The following HNRNPL variants were observed in gnomAD, a reference collection of about 807,000 sequenced individuals.
HNRNPL encodes the protein heterogeneous nuclear ribonucleoprotein L.
In HNRNPL, 12 loss-of-function variants were observed where a neutral mutation model predicts 64.0. The ratio of observed to expected loss-of-function variants is 0.19; its 90% CI spans 0.12 to 0.30. The LOEUF is 0.30. HNRNPL is among the 10% of genes least tolerant of loss of function. HNRNPL has a pLI of 1.00. For missense variants in HNRNPL, 484 were observed against 797.4 expected, an observed-to-expected ratio of 0.61 and a Z score of 4.73; for synonymous variants, 385 against 313.0, an observed-to-expected ratio of 1.23 and a Z score of -2.43.
chr19:38,851,917 G>A (rs1972512882), upstream of HNRNPL, among the ~76,000 whole-genome samples: 1 of 152,248 alleles, frequency 6.6e-6, no homozygotes, highest in Middle Eastern at 3.4e-3. Context: ...ACAGAGACGG[G>A]GGCGGGGCCG....
chr19:38,839,075 C>A (rs1972024220), intron 8 of HNRNPL, 60 bp from the exon 9 acceptor site: 1 of 1,600,758 alleles, frequency 6.2e-7, no homozygotes, highest in East Asian at 2.2e-5. Flanking sequence ...CCTCTCCTGC[C>A]CCTCCCAAGT....
intron 10 of HNRNPL, 70 bp downstream of exon 10, chr19:38,838,327 C>T: frequency 7.5e-7 from 1 of 1,327,394 alleles, no homozygotes; most frequent in Admixed American, 1.9e-5. Flanking sequence ...GCAGAAAAGA[C>T]TGAAATGAAT....
rs768565086 is a variant in HNRNPL, at chr19:38,843,988, C to T, written c.807+20G>A. 3 of 1,606,868 alleles carry T rather than the reference C, an allele frequency of 1.9e-6. No homozygotes were observed. The South Asian group carries it at 3.3e-5, about 18-fold the overall frequency. On this transcript the variant is annotated intron_variant, in intron 5 of 12. Coordinates refer to ENST00000221419, the MANE Select transcript of HNRNPL (RefSeq NM_001533.3). ...CACCTGGAAGCTGACAAGGGGCAGT[C>T]AGTCACCTCCCAGATGTACCTTTGC... is the stretch of plus-strand genomic sequence containing the variant.
chr19:38,852,022 G>C (rs917574669), upstream of HNRNPL, among the ~76,000 whole-genome samples: 1 of 151,600 alleles, frequency 6.6e-6, no homozygotes, highest in Admixed American at 6.6e-5. Flanking sequence ...GAATGCGGTG[G>C]GGGGAGGGGG....
upstream of HNRNPL, among the ~76,000 whole-genome samples, chr19:38,851,595 T>A (rs1229284185): frequency 6.6e-6 from 1 of 152,034 alleles, no homozygotes; most frequent in Non-Finnish European, 1.5e-5. Context: ...GAGGTCCGGG[T>A]GGAAACTAAG....
At chr19:38,844,393 CCT>C (rs1972217035) in intron 4 of HNRNPL, among the ~76,000 whole-genome samples, 1 of 152,180 alleles carries the variant, frequency 6.6e-6, no homozygotes, top group African/African-American at 2.4e-5. Context: ...CCGTCTCAGC[CCT>C]CTCACACCCT....
intron 1 of HNRNPL, among the ~76,000 whole-genome samples, chr19:38,848,379 C>A (rs1042046597): frequency 6.6e-6 from 1 of 152,220 alleles, no homozygotes; most frequent in African/African-American, 2.4e-5. Flanking sequence ...AGGCATGAGC[C>A]CCCACTCCCG....
rs1568366922 is a variant in HNRNPL, at chr19:38,838,379, C to CA, written c.1557+17dup. 6.3e-7 allele frequency: 1 copy of CA among 1,597,610 alleles called. No individual in the cohort carries two copies. Among genetic ancestry groups the CA allele is most frequent in the South Asian group, 1.1e-5 (1 of 90,496 alleles). ...CGTGGCAAGGACCCGACTGCCTGCG[C>CA]AGCTCCACGGCACACACCTCAAAGA... is the stretch of plus-strand genomic sequence containing the variant. On this transcript the variant is annotated intron_variant, in intron 10 of 12. Transcript: ENST00000221419.
upstream of HNRNPL, chr19:38,850,331 T>A (rs80347831): frequency 3.7e-3 from 815 of 222,872 alleles, 7 homozygotes; most frequent in African/African-American, 0.018. Context: ...TTCATTGGTC[T>A]CCTCGCTAAT....
At position 38,837,381 on chromosome 19, in the gene HNRNPL, C is replaced by A; in HGVS notation, c.1711+3G>T. On this transcript the variant is annotated splice_donor_region_variant and intron_variant, in intron 12 of 12. Transcript: ENST00000221419. ...GATGCCTGCAGGACACACAGATACT[C>A]ACTTGGGTTTTTCATCTGGTAATGG... 1 of 1,611,648 alleles carries A rather than the reference C, an allele frequency of 6.2e-7. No individual in the cohort carries two copies. The highest frequency in any genetic ancestry group is 1.1e-5 in the South Asian group (1 of 91,006).
intron 6 of HNRNPL, chr19:38,841,278 A>C (rs1159559613): frequency 2.4e-5 from 8 of 326,976 alleles, no homozygotes; most frequent in Admixed American, 4.6e-5. Flanking sequence ...CGCTTTACAG[A>C]CATCACAGCT....
At chr19:38,851,432 G>T (rs752770080), upstream of HNRNPL, among the ~76,000 whole-genome samples, 2 of 152,190 alleles carry the variant, frequency 1.3e-5, no homozygotes, top group Non-Finnish European at 2.9e-5. Context: ...CGCAGGGTGT[G>T]GGGGGGAACA....
chr19:38,846,611 A>G (rs1190330477), intron 2 of HNRNPL, among the ~76,000 whole-genome samples: 4 of 152,160 alleles, frequency 2.6e-5, no homozygotes, highest in Non-Finnish European at 5.9e-5. Flanking sequence ...ACCTCTACAG[A>G]ACAATATAAA....
rs1173123052 is a variant in HNRNPL, at chr19:38,837,424, C to T, written c.1671G>A (p.Glu557=). ...LEWESKSDAL[E]TLGFLNHYQM... ...GGTAATGGTTCAGGAAGCCCAGAGT[C>T]TCCAGGGCATCGCTCTTGGATTCCC... Residue 557 remains glutamate, a synonymous_variant, in exon 12 of 13, where the codon GAG becomes GAA. Transcript: ENST00000221419. The T allele has an allele frequency of 9.9e-6, 16 of 1,614,194 alleles. No individual in the cohort carries two copies. The highest frequency in any genetic ancestry group is 1.2e-5 in the Non-Finnish European group (14 of 1,179,986).
intron 1 of HNRNPL, among the ~76,000 whole-genome samples, chr19:38,849,077 A>G (rs1972404639): frequency 6.6e-6 from 1 of 152,224 alleles, no homozygotes; most frequent in Non-Finnish European, 1.5e-5. Context: ...AATCCCCGGA[A>G]ACTGTAAGCA....
At chr19:38,847,624 T>G (rs1199375181) in intron 1 of HNRNPL, 190 bp from the exon 2 acceptor site, 9 of 359,908 alleles carry the variant, frequency 2.5e-5, no homozygotes, top group Non-Finnish European at 4.5e-5. Flanking sequence ...AGAACAGTGG[T>G]CCTGAGTGGG....
chr19:38,845,528 G>T (rs114044401), intron 4 of HNRNPL, 122 bp downstream of exon 4: 4 of 762,724 alleles, frequency 5.2e-6, no homozygotes, highest in Non-Finnish European at 4.6e-6. Flanking sequence ...CTCTGTGAAG[G>T]CATCTGGCAC....
chr19:38,842,105 A>ATTTTTTTT, intron 6 of HNRNPL: 1 of 132,912 alleles, frequency 7.5e-6, no homozygotes, highest in Non-Finnish European at 1.6e-5. Flanking sequence ...TGTGGTTAAA[A>ATTTTTTTT]TTTTTTTTTT....
chr19:38,845,980 C>T lies in HNRNPL; in HGVS notation c.497G>A (p.Gly166Asp). ...YAADNQIYIA[G>D]HPAFVNYSTS... is the part of the protein sequence containing the mutation. The stretch of plus-strand genomic sequence containing the variant: ...AGAGTAGTTGACAAAAGCTGGGTGA[C>T]CAGCAATGTATATTTGGTTGTCGGC... The change falls in exon 3 of 13, where the codon GGT becomes GAT. Residue 166 changes from glycine to aspartate, a missense_variant. Physicochemically the swap from Gly to Asp is moderately conservative, Grantham distance 94. Coordinates refer to ENST00000221419, the MANE Select transcript of HNRNPL (RefSeq NM_001533.3). The T allele has an allele frequency of 6.2e-7, 1 of 1,614,136 alleles. No homozygotes were observed. Among genetic ancestry groups the T allele is most frequent in the Non-Finnish European group, 8.5e-7 (1 of 1,180,020 alleles).
Sources: gnomAD v4.1 joint callset for allele counts (sites outside exome capture counted in the v4.1 genomes callset) on GRCh38, gnomAD v4.1.1 for gene constraint, MANE v1.5 for transcripts, NCBI Gene and HGNC (gene_info 2026-07-23, HGNC 2026-07-21) for gene names.